The following TRAPPC6B variants were observed in gnomAD, a reference collection of about 807,000 sequenced individuals.
TRAPPC6B encodes the protein TRAPP complex subunit 6B.
In TRAPPC6B, 27 loss-of-function variants were observed where a neutral mutation model predicts 24.7. The observed-to-expected ratio is 1.09, with a 90% CI of 0.81 to 1.51. The LOEUF is 1.51. Among genes scored for constraint, TRAPPC6B ranks in the 40% most tolerant of loss-of-function variants. The pLI, the probability that TRAPPC6B is intolerant of heterozygous loss-of-function variation, is 0.00. For missense variants in TRAPPC6B, 212 were observed against 190.8 expected (o/e 1.11, Z -0.66); for synonymous variants, 80 against 66.6 (o/e 1.20, Z -0.98).
intron 3 of TRAPPC6B, among the ~76,000 whole-genome samples, chr14:39,154,932 T>C (rs114973939): frequency 0.03 from 4,570 of 152,228 alleles, 235 homozygotes; most frequent in African/African-American, 0.1. Flanking sequence ...TTTGTTTGTA[T>C]AGTTATTTAT....
rs1314621765 is a variant in TRAPPC6B, at chr14:39,170,108, C to T, written c.-13G>A. ...CCTCATCCGCCATTTCCTGCTAATT[C>T]TTCCAAGCTTCGAGTTTTGGCTCCC... On this transcript the variant is annotated 5_prime_UTR_variant, in exon 1 of 6. Transcript: ENST00000330149. The T allele has an allele frequency of 1.2e-6, 2 of 1,614,020 alleles. No homozygotes were observed. The highest frequency in any genetic ancestry group is 3.3e-5 in the Admixed American group (2 of 60,000).
intron 4 of TRAPPC6B, among the ~76,000 whole-genome samples, 159 bp downstream of exon 4, chr14:39,154,052 T>C (rs960438589): frequency 2.6e-5 from 4 of 152,180 alleles, no homozygotes; most frequent in African/African-American, 9.6e-5. Flanking sequence ...TACAGTTTAG[T>C]GTTATTGTAA....
At chr14:39,153,251 T>A (rs1193122770) in intron 4 of TRAPPC6B, among the ~76,000 whole-genome samples, 1 of 143,894 alleles carries the variant, frequency 6.9e-6, no homozygotes, top group African/African-American at 2.6e-5. Flanking sequence ...TCACACTCTG[T>A]CCGAAAAAAA....
At chr14:39,165,570 G>A (rs915945209) in intron 1 of TRAPPC6B, among the ~76,000 whole-genome samples, 13 of 152,196 alleles carry the variant, frequency 8.5e-5, no homozygotes, top group African/African-American at 2.9e-4. Context: ...TGAGGCAGGA[G>A]GGTCACTTGA....
chr14:39,157,523 T>C (rs1401215291), intron 3 of TRAPPC6B: 1 of 395,608 alleles, frequency 2.5e-6, no homozygotes, highest in Non-Finnish European at 5.0e-6. Context: ...GCTCAGCTGG[T>C]GGTGACTGCA....
chr14:39,167,307 CTG>C (rs1463383628), intron 1 of TRAPPC6B, among the ~76,000 whole-genome samples: 1 of 152,108 alleles, frequency 6.6e-6, no homozygotes, highest in Non-Finnish European at 1.5e-5. Context: ...GGTTAGAACA[CTG>C]TTTCTTTCTT....
rs147806586 is a variant in TRAPPC6B, at chr14:39,161,099, T to C, written c.82-1549A>G. Among the ~76,000 whole-genome samples the C allele has an allele frequency of 2.4e-3, 361 of 152,300 alleles. 3 individuals carry two copies. The highest frequency in any genetic ancestry group is 8.0e-3 in the African/African-American group (334 of 41,518). On this transcript the variant is annotated intron_variant, in intron 1 of 5. Transcript: ENST00000330149. ...ACTACAATATTTAAAATAGCTATTA[T>C]AAATGCACATAATGTACTCCATGCT...
intron 3 of TRAPPC6B, chr14:39,156,720 G>C (rs2052982928): frequency 6.6e-6 from 1 of 152,164 alleles, no homozygotes; most frequent in South Asian, 2.1e-4. Context: ...TGACTATAAA[G>C]AATCTCTTCC....
rs2053155646 is a variant in TRAPPC6B, at chr14:39,170,281, T to C, written c.-186A>G. 4 of 595,078 alleles carry C rather than the reference T, an allele frequency of 6.7e-6. No individual in the cohort carries two copies. The highest frequency in any genetic ancestry group is 2.9e-5 in the East Asian group (1 of 34,440). The allele number at this position is 595,078 out of a possible 1,614,324, so 36.9% of individuals were successfully genotyped here. A position where few individuals can be genotyped will look rare whatever the true frequency, so the allele number is the denominator to read the frequency against. On this transcript the variant is annotated 5_prime_UTR_variant, in exon 1 of 6. Transcript: ENST00000330149. ...GCTGGTACTGAAATGAGTCTGGTAC[T>C]GGAGAGAGCCCACACTTCGGGGCTA... is the stretch of plus-strand genomic sequence containing the variant.
chr14:39,156,210 C>A (rs925790634), intron 3 of TRAPPC6B, among the ~76,000 whole-genome samples: 2 of 152,170 alleles, frequency 1.3e-5, no homozygotes, highest in African/African-American at 2.4e-5. Context: ...CCAGGCCAGG[C>A]ACAGTGGCTC....
chr14:39,154,059 G>A (rs1164181922), intron 4 of TRAPPC6B, 152 bp downstream of exon 4: 1 of 559,638 alleles, frequency 1.8e-6, no homozygotes, highest in African/African-American at 1.9e-5. Context: ...TAGTGTTATT[G>A]TAACATGTCT....
At chr14:39,153,703 C>CAT (rs2052942066) in intron 4 of TRAPPC6B, among the ~76,000 whole-genome samples, 1 of 129,108 alleles carries the variant, frequency 7.7e-6, no homozygotes, top group African/African-American at 2.9e-5. Flanking sequence ...TCTTTTTTTT[C>CAT]TTTTTTTTTT....
At chr14:39,165,163 A>T (rs1395387431) in intron 1 of TRAPPC6B, among the ~76,000 whole-genome samples, 2 of 150,938 alleles carry the variant, frequency 1.3e-5, no homozygotes, top group South Asian at 2.1e-4. Flanking sequence ...CTCCTGCCTC[A>T]GCCTCCTGAG....
intron 4 of TRAPPC6B, among the ~76,000 whole-genome samples, chr14:39,152,641 G>A (rs1171816913): frequency 6.6e-6 from 1 of 152,156 alleles, no homozygotes; most frequent in Non-Finnish European, 1.5e-5. Context: ...AGCTGGAAGA[G>A]GCCTTAGAGA....
In TRAPPC6B at chr14:39,170,078, C is replaced by G; in HGVS notation, c.18G>C (p.Leu6Phe). 6.2e-7 allele frequency: 1 copy of G among 1,614,222 alleles called. No individual in the cohort carries two copies. The highest frequency in any genetic ancestry group is 8.5e-7 in the Non-Finnish European group (1 of 1,180,022). Residue 6 changes from leucine to phenylalanine, a missense_variant, in exon 1 of 6, where the codon TTG (leucine) becomes TTC (phenylalanine). Coordinates refer to ENST00000330149, the MANE Select transcript of TRAPPC6B (RefSeq NM_001079537.2). MADEALFLLLHNEMVS... is the reference protein window; with the variant it reads MADEAFFLLLHNEMVS... ...CCATCTCGTTATGGAGAAGCAAAAA[C>G]AACGCCTCATCCGCCATTTCCTGCT... is the stretch of plus-strand genomic sequence containing the variant.
chr14:39,156,538 G>A (rs73291552), intron 3 of TRAPPC6B, among the ~76,000 whole-genome samples: 11,523 of 152,012 alleles, frequency 0.076, 1,465 homozygotes, highest in African/African-American at 0.26. Flanking sequence ...AGACTAGTCT[G>A]GGCAACAAAG....
At chr14:39,160,122 C>T (rs115061994) in intron 1 of TRAPPC6B, among the ~76,000 whole-genome samples, 2,135 of 152,186 alleles carry the variant, frequency 0.014, 58 homozygotes, top group African/African-American at 0.048. Flanking sequence ...GCCACCGCGC[C>T]CAGACAGAAA....
chr14:39,158,100 A>T (rs1051469228), intron 3 of TRAPPC6B, among the ~76,000 whole-genome samples, 185 bp downstream of exon 3: 1 of 152,220 alleles, frequency 6.6e-6, no homozygotes, highest in Non-Finnish European at 1.5e-5. Flanking sequence ...ATCATTACTG[A>T]TAACTGTCCC....
Position 39,159,473 on chromosome 14 carries a change from A to G in TRAPPC6B, c.149+10T>C. The G allele has an allele frequency of 1.3e-6, 2 of 1,568,474 alleles. No individual in the cohort carries two copies. The highest frequency in any genetic ancestry group is 1.7e-6 in the Non-Finnish European group (2 of 1,156,374). On this transcript the variant is annotated intron_variant, in intron 2 of 5. Transcript: ENST00000330149. ...ACCTGCAAGAAAATTTTCAAATCCAACCTGCTCACCTTTCTATCAATCCTT... is the reference window on the plus strand; with the variant it reads ...ACCTGCAAGAAAATTTTCAAATCCAGCCTGCTCACCTTTCTATCAATCCTT...
Sources: allele counts gnomAD v4.1 joint callset (sites outside exome capture counted in the v4.1 genomes callset), GRCh38; gene constraint gnomAD v4.1.1; transcripts MANE v1.5; gene names NCBI Gene and HGNC (gene_info 2026-07-23, HGNC 2026-07-21).